The following TEK variants were observed in gnomAD, a reference collection of about 807,000 sequenced individuals.
TEK encodes TEK receptor tyrosine kinase.
Under a neutral mutation model 131.8 loss-of-function variants are expected in TEK, and 43 were observed. The observed-to-expected ratio is 0.33, with a 90% CI of 0.26 to 0.42. TEK has a LOEUF of 0.42. TEK is among the 10% of genes least tolerant of loss of function. The pLI is 1.00. For missense variants in TEK, 1,162 were observed against 1,384.4 expected, an observed-to-expected ratio of 0.84 and a Z score of 2.55; for synonymous variants, 580 against 491.6, an observed-to-expected ratio of 1.18 and a Z score of -2.38.
At chr9:27,149,292 T>C (rs1171894418) in intron 1 of TEK, among the ~76,000 whole-genome samples, 1 of 152,028 alleles carries the variant, frequency 6.6e-6, no homozygotes, top group Non-Finnish European at 1.5e-5. Flanking sequence ...TCAAATTGTA[T>C]CTTTCTACTT....
chr9:27,194,600 G>A (rs1824941856), intron 11 of TEK, among the ~76,000 whole-genome samples: 1 of 152,174 alleles, frequency 6.6e-6, no homozygotes, highest in African/African-American at 2.4e-5. Context: ...AGTCAAGAGG[G>A]GAAGAGCATA....
At chr9:27,219,183 C>G (rs1030570758) in intron 20 of TEK, among the ~76,000 whole-genome samples, 1 of 152,148 alleles carries the variant, frequency 6.6e-6, no homozygotes, top group Admixed American at 6.5e-5. Context: ...TACCCTGATC[C>G]TAGTTTTATC....
chr9:27,172,674 C>T lies in TEK; in HGVS notation c.687C>T (p.Asn229=). The T allele has an allele frequency of 1.2e-6, 2 of 1,613,782 alleles. No individual in the cohort carries two copies. The highest frequency in any genetic ancestry group is 1.7e-6 in the Non-Finnish European group (2 of 1,179,738). ...ACCATCTCTGTACTGCTTGTATGAA[C>T]AATGGTGTCTGCCATGAAGATACTG... ...ECNHLCTACM[N]NGVCHEDTGE... Residue 229 remains asparagine (N), a synonymous_variant, in exon 5 of 23, where the codon AAC becomes AAT. Coordinates refer to ENST00000380036, the MANE Select transcript of TEK (RefSeq NM_000459.5).
intron 2 of TEK, among the ~76,000 whole-genome samples, chr9:27,165,979 T>G (rs1450433061): frequency 1.3e-5 from 2 of 152,156 alleles, no homozygotes; most frequent in African/African-American, 4.8e-5. Context: ...CCTCACAGGG[T>G]AGTTGTCTCA....
chr9:27,152,412 G>GA (rs10554773), intron 1 of TEK, among the ~76,000 whole-genome samples: 3,541 of 142,866 alleles, frequency 0.025, 134 homozygotes, highest in African/African-American at 0.08. Flanking sequence ...CTGGAATGTG[G>GA]AAAAAAAAAA....
At position 27,110,917 on chromosome 9, in the gene TEK, ATT is replaced by A. The variant is rs11353108; in HGVS notation, c.52+1285_52+1286del. The stretch of plus-strand genomic sequence containing the variant: ...AATAATTATCATGATTCCATTTTTG[ATT>A]TTTTTTTTTCTGAGTGCCATTATTT... On this transcript the variant is annotated intron_variant, in intron 1 of 22. Transcript: ENST00000380036. Among the ~76,000 whole-genome samples the A allele has an allele frequency of 3.0e-3, 451 of 150,562 alleles. 11 individuals carry two copies. The South Asian group carries it at 0.031, about 10-fold the overall frequency.
At chr9:27,224,588 G>T (rs748515180) in intron 21 of TEK, among the ~76,000 whole-genome samples, 4 of 152,108 alleles carry the variant, frequency 2.6e-5, no homozygotes, top group Non-Finnish European at 5.9e-5. Flanking sequence ...AGTAAACTAG[G>T]TATTGATGGA....
chr9:27,168,462 C>A, intron 2 of TEK, 33 bp from the exon 3 acceptor site: 1 of 1,548,716 alleles, frequency 6.5e-7, no homozygotes, highest in South Asian at 1.1e-5. Flanking sequence ...TGTGTGATCC[C>A]ATTTTTGGTA....
intron 12 of TEK, chr9:27,198,304 C>G (rs2131198773): frequency 6.4e-6 from 1 of 155,064 alleles, no homozygotes; most frequent in East Asian, 1.9e-4. Flanking sequence ...GCCTTACCAC[C>G]CTGAACACAC....
At chr9:27,110,494 AT>A (rs763504555) in intron 1 of TEK, among the ~76,000 whole-genome samples, 1 of 152,158 alleles carries the variant, frequency 6.6e-6, no homozygotes, top group African/African-American at 2.4e-5. Flanking sequence ...TCACAAATAC[AT>A]TTATCATTGC....
intron 1 of TEK, among the ~76,000 whole-genome samples, chr9:27,123,499 A>G (rs1297669316): frequency 1.3e-5 from 2 of 152,192 alleles, no homozygotes; most frequent in Admixed American, 1.3e-4. Context: ...TTTCATGGAG[A>G]GGCCACGCAC....
At chr9:27,195,022 G>A (rs1191461413) in intron 11 of TEK, among the ~76,000 whole-genome samples, 1 of 152,120 alleles carries the variant, frequency 6.6e-6, no homozygotes, top group African/African-American at 2.4e-5. Flanking sequence ...ACAGGATTAG[G>A]AGGTGTAAAT....
intron 1 of TEK, among the ~76,000 whole-genome samples, chr9:27,117,019 G>A (rs566717901): frequency 6.2e-4 from 93 of 151,182 alleles, no homozygotes; most frequent in African/African-American, 2.1e-3. Context: ...CTGCCACCAC[G>A]CCCAGCTAAT....
intron 4 of TEK, among the ~76,000 whole-genome samples, chr9:27,171,738 T>G (rs994755087): frequency 1.3e-5 from 2 of 152,224 alleles, no homozygotes; most frequent in African/African-American, 4.8e-5. Context: ...ATATAATTTA[T>G]GATGATAGCA....
In TEK at chr9:27,172,452, A is replaced by G. The variant is rs564088652; in HGVS notation, c.629-164A>G. 1.2e-3 allele frequency among the ~76,000 whole-genome samples: 189 copies of G among 152,298 alleles called. 1 individual carries two copies. The highest frequency in any genetic ancestry group is 4.4e-3 in the African/African-American group (181 of 41,558). On this transcript the variant is annotated intron_variant, in intron 4 of 22. Transcript: ENST00000380036. Reference sequence around the variant, plus strand: ...GTTTCTGTCGCGATTTCCTGTTTACATGTCTGTCTCCCATATTAGATGATG... The same window carrying G: ...GTTTCTGTCGCGATTTCCTGTTTACGTGTCTGTCTCCCATATTAGATGATG...
chr9:27,138,662 A>AC (rs1203621210), intron 1 of TEK, among the ~76,000 whole-genome samples: 26 of 152,240 alleles, frequency 1.7e-4, no homozygotes, highest in African/African-American at 5.8e-4. Context: ...CACTTGAATA[A>AC]CACAAGTTTG....
intron 1 of TEK, among the ~76,000 whole-genome samples, chr9:27,155,473 AGACTT>A (rs1419949733): frequency 6.6e-6 from 1 of 152,252 alleles, no homozygotes; most frequent in African/African-American, 2.4e-5. Context: ...GCTTACACGA[AGACTT>A]GACTTTGAAA....
chr9:27,121,667 C>T (rs559049202), intron 1 of TEK, among the ~76,000 whole-genome samples: 89 of 151,618 alleles, frequency 5.9e-4, no homozygotes, highest in African/African-American at 1.7e-3. Context: ...GATTAGTCCT[C>T]GTTAATATGA....
At chr9:27,220,298 C>T (rs1001584602) in intron 21 of TEK, among the ~76,000 whole-genome samples, 153 bp downstream of exon 21, 1 of 152,116 alleles carries the variant, frequency 6.6e-6, no homozygotes, top group Non-Finnish European at 1.5e-5. Flanking sequence ...TTTTATTCAC[C>T]TAATACTGTT....
Sources: allele counts gnomAD v4.1 joint callset (sites outside exome capture counted in the v4.1 genomes callset), GRCh38; gene constraint gnomAD v4.1.1; transcripts MANE v1.5; gene names NCBI Gene and HGNC (gene_info 2026-07-23, HGNC 2026-07-21).